The following WDFY2 variants were observed in gnomAD, a reference collection of about 807,000 sequenced individuals.
WDFY2 encodes WD repeat and FYVE domain-containing protein 2.
WDFY2 carries 36 observed loss-of-function variants against 56.4 expected under a neutral mutation model. The observed-to-expected ratio is 0.64, with a 90% CI of 0.49 to 0.84. The LOEUF is 0.84. Ranked by LOEUF, WDFY2 falls within the 40% of genes least tolerant of loss-of-function variation. The probability of loss-of-function intolerance (pLI) is 0.00; values close to 1 mark genes in which losing one functional copy is unlikely to be tolerated. For missense variants in WDFY2, 444 were observed against 512.2 expected (o/e 0.87, Z 1.29); for synonymous variants, 176 against 183.7 (o/e 0.96, Z 0.34).
chr13:51,683,816 T>C (rs1956016768), intron 3 of WDFY2, among the ~76,000 whole-genome samples: 1 of 152,192 alleles, frequency 6.6e-6, no homozygotes, highest in South Asian at 2.1e-4. Context: ...AGGTATGTCC[T>C]AGTCTCTGGG....
chr13:51,688,841 C>T (rs1956103460), intron 3 of WDFY2, among the ~76,000 whole-genome samples: 1 of 152,068 alleles, frequency 6.6e-6, no homozygotes, highest in African/African-American at 2.4e-5. Flanking sequence ...AAATAAATAT[C>T]AGCAACTAAA....
In WDFY2 at chr13:51,643,239, C is replaced by G. The variant is rs985406666; in HGVS notation, c.138-17357C>G. 3.3e-5 allele frequency among the ~76,000 whole-genome samples: 5 copies of G among 152,160 alleles called. No individual in the cohort carries two copies. In the East Asian group the frequency reaches 9.6e-4, roughly 29 times the overall value. ...ATTCTGTATCCATTACACAATCACT[C>G]CTTGTTCCCCTTCCCCCAGGATCTG... On this transcript the variant is annotated intron_variant, in intron 1 of 11. Coordinates refer to ENST00000298125, the MANE Select transcript of WDFY2 (RefSeq NM_052950.4).
intron 1 of WDFY2, among the ~76,000 whole-genome samples, chr13:51,637,885 G>A (rs1380327456): frequency 1.3e-5 from 2 of 152,254 alleles, no homozygotes; most frequent in African/African-American, 4.8e-5. Flanking sequence ...CAAGATATTG[G>A]GATATTAGGA....
At chr13:51,635,465 T>A (rs78165970) in intron 1 of WDFY2, among the ~76,000 whole-genome samples, 8 of 152,158 alleles carry the variant, frequency 5.3e-5, no homozygotes, top group Admixed American at 3.3e-4. Context: ...CTATAAGCCA[T>A]TTTTTTCGGC....
At chr13:51,753,912 C>G (rs1199958293) in intron 8 of WDFY2, among the ~76,000 whole-genome samples, 18 of 151,290 alleles carry the variant, frequency 1.2e-4, no homozygotes, top group Admixed American at 1.2e-3. Context: ...TGGCGAAACC[C>G]TGTCTCTACT....
chr13:51,685,512 C>T (rs1212137470), intron 3 of WDFY2, among the ~76,000 whole-genome samples: 2 of 152,040 alleles, frequency 1.3e-5, no homozygotes, highest in Admixed American at 1.3e-4. Context: ...TTATTATATA[C>T]TATAGTCTTA....
intron 2 of WDFY2, among the ~76,000 whole-genome samples, chr13:51,672,554 T>A (rs1955825530): frequency 6.6e-6 from 1 of 152,214 alleles, no homozygotes. Flanking sequence ...CATATAGGTT[T>A]TAGGGTTGTT....
chr13:51,597,783 C>A (rs1271741187), intron 1 of WDFY2, among the ~76,000 whole-genome samples: 1 of 152,148 alleles, frequency 6.6e-6, no homozygotes, highest in Non-Finnish European at 1.5e-5. Context: ...TAGTTTGTTT[C>A]CCTTGAAGAA....
At chr13:51,685,509 A>G (rs1305708822) in intron 3 of WDFY2, among the ~76,000 whole-genome samples, 1 of 152,208 alleles carries the variant, frequency 6.6e-6, no homozygotes, top group Non-Finnish European at 1.5e-5. Flanking sequence ...TATTTATTAT[A>G]TACTATAGTC....
At position 51,751,374 on chromosome 13, in the gene WDFY2, G is replaced by T; in HGVS notation, c.790G>T (p.Gly264Cys). 5.0e-6 allele frequency: 8 copies of T among 1,614,104 alleles called. No homozygotes were observed. The highest frequency in any genetic ancestry group is 6.8e-6 in the Non-Finnish European group (8 of 1,179,974). Residue 264 changes from glycine (G) to cysteine (C), a missense_variant, in exon 8 of 12, where the codon GGT becomes TGT. Physicochemically the swap from Gly to Cys is radical, Grantham distance 159 (BLOSUM62 -3). Transcript: ENST00000298125. ...ACAATTGATCTCCTGTGGCGGTGAT[G>T]GTGGGATTGTCGTCTGGAACATGGA... ...TRQLISCGGD[G>C]GIVVWNMDVE...
intron 6 of WDFY2, among the ~76,000 whole-genome samples, chr13:51,733,672 G>T (rs989214000): frequency 3.3e-5 from 5 of 152,194 alleles, no homozygotes; most frequent in African/African-American, 9.7e-5. Flanking sequence ...TGTTTGGACT[G>T]GGGGACAGCA....
intron 3 of WDFY2, among the ~76,000 whole-genome samples, chr13:51,686,691 G>A (rs1956067390): frequency 6.6e-6 from 1 of 152,060 alleles, no homozygotes; most frequent in African/African-American, 2.4e-5. Flanking sequence ...ACATTTTAGT[G>A]TGGAGACCAT....
At chr13:51,633,234 TCCAACCC>T (rs1469502407) in intron 1 of WDFY2, among the ~76,000 whole-genome samples, 1 of 152,188 alleles carries the variant, frequency 6.6e-6, no homozygotes, top group East Asian at 1.9e-4. Flanking sequence ...CAGCCTCTGC[TCCAACCC>T]TGGAGCTGTC....
At chr13:51,690,610 G>T (rs1291910685) in intron 3 of WDFY2, among the ~76,000 whole-genome samples, 1 of 151,982 alleles carries the variant, frequency 6.6e-6, no homozygotes, top group Non-Finnish European at 1.5e-5. Flanking sequence ...GGACATTTGG[G>T]TTGGTTCCAA....
At chr13:51,745,077 T>C (rs868677805) in intron 7 of WDFY2, among the ~76,000 whole-genome samples, 3 of 152,226 alleles carry the variant, frequency 2.0e-5, no homozygotes, top group Admixed American at 6.5e-5. Context: ...CAGTTCCTTA[T>C]GTAGCTTATT....
intron 6 of WDFY2, among the ~76,000 whole-genome samples, chr13:51,737,514 A>G (rs1310948596): frequency 7.3e-6 from 1 of 136,220 alleles, no homozygotes; most frequent in Admixed American, 8.3e-5. Flanking sequence ...CCGCCCTCCT[A>G]GAGCTTCTAT....
At chr13:51,599,904 AAAAC>A (rs201193086) in intron 1 of WDFY2, among the ~76,000 whole-genome samples, 45 of 152,092 alleles carry the variant, frequency 3.0e-4, no homozygotes, top group East Asian at 1.9e-3. Context: ...AACAAAAAAA[AAAAC>A]AAAACAAAAA....
At chr13:51,632,742 G>A (rs1459907544) in intron 1 of WDFY2, among the ~76,000 whole-genome samples, 1 of 152,058 alleles carries the variant, frequency 6.6e-6, no homozygotes, top group African/African-American at 2.4e-5. Flanking sequence ...ATTTTTAAAT[G>A]TACAAACTTG....
At chr13:51,755,013 T>C (rs951375516) in intron 8 of WDFY2, among the ~76,000 whole-genome samples, 2 of 152,200 alleles carry the variant, frequency 1.3e-5, no homozygotes, top group African/African-American at 2.4e-5. Flanking sequence ...GTCTCAGTTG[T>C]CTTATTTGTC....
Sources: allele counts gnomAD v4.1 joint callset (sites outside exome capture counted in the v4.1 genomes callset), GRCh38; gene constraint gnomAD v4.1.1; transcripts MANE v1.5; gene names NCBI Gene and HGNC (gene_info 2026-07-23, HGNC 2026-07-21).